The following OTC variants were observed in gnomAD, a reference collection of about 807,000 sequenced individuals.
OTC encodes ornithine transcarbamylase, also known as ornithine transcarbamylase, mitochondrial.
In OTC, 3 loss-of-function variants were observed where a neutral mutation model predicts 30.3. The observed-to-expected ratio is 0.10, with a 90% CI of 0.05 to 0.26. The LOEUF (loss-of-function observed/expected upper bound fraction) is 0.26, where lower values mean the gene tolerates loss of function less well. OTC is among the 10% of genes least tolerant of loss of function. The probability of loss-of-function intolerance (pLI) is 1.00; values close to 1 mark genes in which losing one functional copy is unlikely to be tolerated. For missense variants in OTC, 194 were observed against 260.3 expected (o/e 0.75, Z 1.75); for synonymous variants, 111 against 99.7 (o/e 1.11, Z -0.67).
At position 38,367,318 on chromosome X, in the gene OTC, G is replaced by A. The variant is rs757207910; in HGVS notation, c.105G>A (p.Val35=). ...GTGGACAACCACTACAAAATAAAGTGCAGCTGAAGGGCCGTGACCTTCTCA... is the reference window on the plus strand; with the variant it reads ...GTGGACAACCACTACAAAATAAAGTACAGCTGAAGGGCCGTGACCTTCTCA... ...FRCGQPLQNK[V]QLKGRDLLTL... The change falls in exon 2 of 10, where the codon GTG becomes GTA. Residue 35 remains valine (V), a synonymous_variant. Coordinates refer to ENST00000039007, the MANE Select transcript of OTC (RefSeq NM_000531.6). The A allele has an allele frequency of 1.7e-6, 2 of 1,202,982 alleles. No individual in the cohort carries two copies. Among genetic ancestry groups the A allele is most frequent in the Admixed American group, 2.2e-5 (1 of 45,703 alleles).
chrX:38,389,041 A>G (rs779836161), intron 4 of OTC, among the ~76,000 whole-genome samples: 3 of 111,849 alleles, frequency 2.7e-5, no homozygotes, highest in East Asian at 2.8e-4. Flanking sequence ...ATTCCTTGGC[A>G]TCACCCCAAA....
At chrX:38,341,064 C>T in the OTC span, among the ~76,000 whole-genome samples, 1 of 111,869 alleles carries the variant, frequency 8.9e-6, no homozygotes, top group Non-Finnish European at 1.9e-5. Context: ...TCCCAAAGTG[C>T]TAGAACTACA....
intron 3 of OTC, among the ~76,000 whole-genome samples, chrX:38,377,105 T>C (rs556101870): frequency 3.6e-4 from 40 of 112,206 alleles, no homozygotes; most frequent in African/African-American, 1.3e-3. Flanking sequence ...AAAATACTTA[T>C]ATTAAATATA....
chrX:38,340,329 A>G, the OTC span, among the ~76,000 whole-genome samples: 1 of 111,701 alleles, frequency 9.0e-6, no homozygotes, highest in Non-Finnish European at 1.9e-5. Context: ...TACATCTGGC[A>G]GGTTTAAAAT....
intron 1 of OTC, among the ~76,000 whole-genome samples, chrX:38,363,058 A>C (rs1380264708): frequency 8.9e-6 from 1 of 112,025 alleles, no homozygotes; most frequent in Non-Finnish European, 1.9e-5. Context: ...GATGATATTG[A>C]ATCCTTTAAG....
the OTC span, among the ~76,000 whole-genome samples, chrX:38,345,867 C>T: frequency 1.8e-5 from 2 of 110,953 alleles, no homozygotes; most frequent in African/African-American, 6.6e-5. Context: ...ACTACAAAGG[C>T]AATCTAGTCC....
At chrX:38,407,378 A>T (rs747950318) in intron 6 of OTC, among the ~76,000 whole-genome samples, 1 of 112,301 alleles carries the variant, frequency 8.9e-6, no homozygotes, top group East Asian at 2.8e-4. Flanking sequence ...TAAGTCCTTT[A>T]TTCATGATTA....
intron 1 of OTC, among the ~76,000 whole-genome samples, chrX:38,364,618 C>A (rs1157527714): frequency 1.8e-5 from 2 of 109,956 alleles, no homozygotes; most frequent in Non-Finnish European, 3.8e-5. Flanking sequence ...ATGATGAAAC[C>A]CCGTCTCTAC....
At chrX:38,365,933 C>T (rs557188521) in intron 1 of OTC, among the ~76,000 whole-genome samples, 38 of 112,257 alleles carry the variant, frequency 3.4e-4, no homozygotes, top group African/African-American at 1.2e-3. Flanking sequence ...AAAATAGAGG[C>T]TGGATGTGTT....
At chrX:38,347,673 T>C (rs1426910251), upstream of OTC, among the ~76,000 whole-genome samples, 1 of 112,111 alleles carries the variant, frequency 8.9e-6, no homozygotes, top group Non-Finnish European at 1.9e-5. Context: ...TTTTTGATAA[T>C]AGCTATCTAT....
chrX:38,382,428 A>C (rs766195795), intron 4 of OTC, among the ~76,000 whole-genome samples: 1 of 112,457 alleles, frequency 8.9e-6, no homozygotes, highest in African/African-American at 3.2e-5. Flanking sequence ...TTTCTTGCAG[A>C]TAACGTCTGC....
the OTC span, among the ~76,000 whole-genome samples, chrX:38,344,374 C>T: frequency 0.011 from 1,189 of 110,474 alleles, 17 homozygotes; most frequent in African/African-American, 0.037. Flanking sequence ...AGGTCCAAGC[C>T]GCAAAACAAT....
chrX:38,372,660 A>T (rs1602016903), intron 3 of OTC, among the ~76,000 whole-genome samples: 1 of 112,748 alleles, frequency 8.9e-6, no homozygotes, highest in African/African-American at 3.2e-5. Flanking sequence ...CAATAATTGC[A>T]TATGGCATCC....
intron 9 of OTC, among the ~76,000 whole-genome samples, chrX:38,414,500 G>C (rs113425028): frequency 8.3e-4 from 93 of 111,538 alleles, no homozygotes; most frequent in African/African-American, 2.9e-3. Context: ...TGAAAGTAGA[G>C]AGTCTAAAGT....
Position 38,409,010 on chromosome X carries a change from C to T in OTC, c.852C>T (p.Tyr284=), listed in dbSNP as rs2147345272. 8.3e-7 allele frequency: 1 copy of T among 1,211,221 alleles called. No individual in the cohort carries two copies. The highest frequency in any genetic ancestry group is 3.0e-5 in the East Asian group (1 of 33,809). ...KKKRLQAFQG[Y]QVTMKTAKVA... ...AGCGGCTCCAGGCTTTCCAAGGTTA[C>T]CAGGTTACAATGAAGGTACAAATTG... The change falls in exon 8 of 10, where the codon TAC becomes TAT. Residue 284 remains tyrosine (Y), a synonymous_variant. Transcript: ENST00000039007.
At chrX:38,349,182 C>T (rs2068202997), upstream of OTC, among the ~76,000 whole-genome samples, 1 of 111,269 alleles carries the variant, frequency 9.0e-6, no homozygotes, top group South Asian at 3.9e-4. Flanking sequence ...GAAGCACTGG[C>T]AGGGTAGTGA....
the OTC span, among the ~76,000 whole-genome samples, chrX:38,328,391 TACAAA>T: frequency 8.9e-6 from 1 of 112,388 alleles, no homozygotes; most frequent in Non-Finnish European, 1.9e-5. Flanking sequence ...ATCATTTACT[TACAAA>T]GCAAAGTGGA....
At chrX:38,385,936 A>G (rs1198171171) in intron 4 of OTC, among the ~76,000 whole-genome samples, 1 of 109,992 alleles carries the variant, frequency 9.1e-6, no homozygotes, top group Non-Finnish European at 1.9e-5. Flanking sequence ...CTCTACTAAA[A>G]ATAAAATAAA....
intron 4 of OTC, among the ~76,000 whole-genome samples, chrX:38,386,006 G>C (rs10126596): frequency 0.014 from 1,494 of 109,838 alleles, 13 homozygotes; most frequent in Non-Finnish European, 0.02. Flanking sequence ...AGAATTGCTT[G>C]AGCCCAGGAG....
Sources: allele counts gnomAD v4.1 joint callset (sites outside exome capture counted in the v4.1 genomes callset), GRCh38; gene constraint gnomAD v4.1.1; transcripts MANE v1.5; gene names NCBI Gene and HGNC (gene_info 2026-07-23, HGNC 2026-07-21).